Variants in SLC39A8 observed in about 807,000 individuals in gnomAD.
SLC39A8 encodes metal cation symporter ZIP8.
In SLC39A8, 15 loss-of-function variants were observed where a neutral mutation model predicts 40.4. That is an observed-to-expected ratio of 0.37 (90% confidence interval 0.25 to 0.57). The LOEUF (loss-of-function observed/expected upper bound fraction) is 0.57, where lower values mean the gene tolerates loss of function less well. Ranked by LOEUF, SLC39A8 falls within the 20% of genes least tolerant of loss-of-function variation. The probability of loss-of-function intolerance (pLI) is 0.75; values close to 1 mark genes in which losing one functional copy is unlikely to be tolerated. For synonymous variants in SLC39A8, 223 were observed against 221.6 expected (o/e 1.01, Z -0.06); for missense variants, 472 against 558.8 (o/e 0.84, Z 1.57).
chr4:102,311,993 T>C (rs1405475687), intron 3 of SLC39A8, among the ~76,000 whole-genome samples: 1 of 152,120 alleles, frequency 6.6e-6, no homozygotes, highest in Non-Finnish European at 1.5e-5. Flanking sequence ...TATGAACACA[T>C]GTATAAGAAC....
At chr4:102,258,665 A>G (rs1731769201), downstream of SLC39A8, among the ~76,000 whole-genome samples, 1 of 152,198 alleles carries the variant, frequency 6.6e-6, no homozygotes, top group Non-Finnish European at 1.5e-5. Context: ...AAAAGGGGAT[A>G]AAAAAGTTCA....
At chr4:102,280,195 C>A (rs985143601) in intron 6 of SLC39A8, among the ~76,000 whole-genome samples, 2 of 152,190 alleles carry the variant, frequency 1.3e-5, no homozygotes, top group African/African-American at 2.4e-5. Context: ...TTCTAGAGAA[C>A]CTTTTTTCTT....
chr4:102,284,072 T>A (rs1733037795), intron 6 of SLC39A8, among the ~76,000 whole-genome samples: 1 of 152,234 alleles, frequency 6.6e-6, no homozygotes, highest in African/African-American at 2.4e-5. Flanking sequence ...TATCACATTT[T>A]AATTCCCTGC....
intron 2 of SLC39A8, 39 bp downstream of exon 2, chr4:102,344,405 C>A (rs1454836764): frequency 1.4e-6 from 2 of 1,405,396 alleles, no homozygotes; most frequent in Admixed American, 5.8e-5. Flanking sequence ...TCTAGGGACA[C>A]CCACAGTACG....
Position 102,305,091 on chromosome 4 carries a change from T to G in SLC39A8, c.573A>C (p.Lys191Asn), listed in dbSNP as rs1406705262. The change falls in exon 5 of 9, where the codon AAA becomes AAC. Residue 191 changes from lysine to asparagine, a missense_variant. Lys to Asn is a moderately conservative substitution (Grantham distance 94). Transcript: ENST00000356736. ...LIPEAFGFDP[K>N]VDSYVEKAVA... ...CTGCCTTCTCAACATAACTGTCGAC[T>G]TTGGGATCAAATCCAAATGCCTAAG... The G allele has an allele frequency of 6.2e-7, 1 of 1,608,074 alleles. No homozygotes were observed. The highest frequency in any genetic ancestry group is 1.3e-5 in the African/African-American group (1 of 74,598).
At chr4:102,298,460 G>A (rs930328976) in intron 6 of SLC39A8, among the ~76,000 whole-genome samples, 3 of 151,972 alleles carry the variant, frequency 2.0e-5, no homozygotes, top group Non-Finnish European at 4.4e-5. Context: ...AAGATCAGTG[G>A]AAATCATTTC....
intron 3 of SLC39A8, among the ~76,000 whole-genome samples, chr4:102,315,377 C>G (rs1734609189): frequency 6.6e-6 from 1 of 151,974 alleles, no homozygotes; most frequent in African/African-American, 2.4e-5. Context: ...AAATGCAATC[C>G]AATATGCACA....
At chr4:102,274,787 G>A (rs1024608167) in intron 6 of SLC39A8, among the ~76,000 whole-genome samples, 1 of 152,148 alleles carries the variant, frequency 6.6e-6, no homozygotes, top group Admixed American at 6.5e-5. Context: ...AAGAGAGTAT[G>A]GGCCAATATT....
intron 3 of SLC39A8, among the ~76,000 whole-genome samples, chr4:102,314,460 A>ACCT (rs1734573532): frequency 6.6e-6 from 1 of 151,930 alleles, no homozygotes; most frequent in Non-Finnish European, 1.5e-5. Context: ...TCAGAATAAA[A>ACCT]CCCAATCAAT....
rs778591806 is a variant in SLC39A8 at position 102,304,573 on chromosome 4, G to C, written c.676-92C>G. On this transcript the variant is annotated intron_variant, in intron 5 of 8. Transcript: ENST00000356736. ...AGAGTTTACTGCTTTTTATTTATAA[G>C]AGGAAAATTGTATGTCTATTCTATG... is the stretch of plus-strand genomic sequence containing the variant. The C allele has an allele frequency of 1.5e-5, 15 of 1,034,196 alleles. No homozygotes were observed. The African/African-American group carries it at 1.8e-4, about 12-fold the overall frequency. The allele number at this position is 1,034,196 out of a possible 1,614,324, so 64.1% of individuals were successfully genotyped here.
intron 3 of SLC39A8, among the ~76,000 whole-genome samples, chr4:102,310,200 C>T (rs1734369358): frequency 6.6e-6 from 1 of 152,046 alleles, no homozygotes; most frequent in Non-Finnish European, 1.5e-5. Context: ...TTCCTATCTT[C>T]CTTGCCTAAG....
intron 2 of SLC39A8, among the ~76,000 whole-genome samples, chr4:102,339,925 G>A (rs1177206144): frequency 6.6e-6 from 1 of 152,166 alleles, no homozygotes; most frequent in African/African-American, 2.4e-5. Context: ...GAAACACTAA[G>A]CATGTGGGAG....
intron 2 of SLC39A8, among the ~76,000 whole-genome samples, chr4:102,318,915 C>A (rs772258335): frequency 1.3e-5 from 2 of 152,116 alleles, no homozygotes; most frequent in Non-Finnish European, 2.9e-5. Context: ...TTTGCTGTGG[C>A]CTTTTAAGGT....
At chr4:102,266,292 A>G (rs1271846900) in intron 8 of SLC39A8, among the ~76,000 whole-genome samples, 1 of 152,194 alleles carries the variant, frequency 6.6e-6, no homozygotes, top group African/African-American at 2.4e-5. Flanking sequence ...TATATCAGAA[A>G]GTAAAATGAC....
intron 6 of SLC39A8, among the ~76,000 whole-genome samples, chr4:102,299,392 G>C (rs1352958276): frequency 1.3e-5 from 2 of 151,742 alleles, no homozygotes; most frequent in African/African-American, 2.4e-5. Flanking sequence ...TGGAATCTGT[G>C]AACTCTGCTG....
chr4:102,325,288 T>C (rs1042579699), intron 2 of SLC39A8, among the ~76,000 whole-genome samples: 1 of 152,164 alleles, frequency 6.6e-6, no homozygotes, highest in Admixed American at 6.5e-5. Flanking sequence ...ACCCCAACTC[T>C]GTTTCCCCAA....
intron 2 of SLC39A8, among the ~76,000 whole-genome samples, chr4:102,334,469 G>C (rs996587933): frequency 6.6e-6 from 1 of 152,320 alleles, no homozygotes; most frequent in East Asian, 1.9e-4. Flanking sequence ...TGTAGAGGAA[G>C]TAATAATGAG....
chr4:102,292,877 T>C (rs1733511516), intron 6 of SLC39A8, among the ~76,000 whole-genome samples: 1 of 152,090 alleles, frequency 6.6e-6, no homozygotes, highest in African/African-American at 2.4e-5. Flanking sequence ...ATCCTCATAA[T>C]AATCCTGCCT....
chr4:102,303,072 A>C (rs988643267), intron 6 of SLC39A8, among the ~76,000 whole-genome samples: 1 of 151,882 alleles, frequency 6.6e-6, no homozygotes, highest in Non-Finnish European at 1.5e-5. Flanking sequence ...AATCTCTTCC[A>C]GATTGCTCTA....
Sources: gnomAD v4.1 joint callset for allele counts (sites outside exome capture counted in the v4.1 genomes callset) on GRCh38, gnomAD v4.1.1 for gene constraint, MANE v1.5 for transcripts, NCBI Gene and HGNC (gene_info 2026-07-23, HGNC 2026-07-21) for gene names.